PCCA: variants seen among roughly 807,000 people sequenced by gnomAD.
The protein encoded by PCCA is propionyl-CoA carboxylase subunit alpha, also known as propionyl-CoA carboxylase alpha chain, mitochondrial.
Under a neutral mutation model 101.3 loss-of-function variants are expected in PCCA, and 74 were observed. That is an observed-to-expected ratio of 0.73 (90% CI 0.61 to 0.89). The LOEUF is 0.89. PCCA is among the 40% of genes least tolerant of loss of function. The pLI is 0.00. For synonymous variants in PCCA, 294 were observed against 313.6 expected (o/e 0.94, Z 0.66); for missense variants, 891 against 907.0 (o/e 0.98, Z 0.23).
At chr13:100,371,259 A>C (rs1187832847) in intron 19 of PCCA, among the ~76,000 whole-genome samples, 1 of 152,212 alleles carries the variant, frequency 6.6e-6, no homozygotes, top group Non-Finnish European at 1.5e-5. Flanking sequence ...AACAATATAC[A>C]TACTTAATGG....
At chr13:100,160,408 CAGG>C (rs2054330718) in intron 6 of PCCA, among the ~76,000 whole-genome samples, 1 of 151,538 alleles carries the variant, frequency 6.6e-6, no homozygotes, top group South Asian at 2.1e-4. Flanking sequence ...GTGGCTGAGG[CAGG>C]AGAATCGTTT....
intron 6 of PCCA, among the ~76,000 whole-genome samples, chr13:100,197,171 C>T (rs973166279): frequency 6.6e-6 from 1 of 152,108 alleles, no homozygotes; most frequent in Non-Finnish European, 1.5e-5. Context: ...GAATGTTTCT[C>T]CCCTCTCAGC....
At chr13:100,496,894 T>C (rs1231691104) in intron 21 of PCCA, among the ~76,000 whole-genome samples, 4 of 152,136 alleles carry the variant, frequency 2.6e-5, no homozygotes, top group Non-Finnish European at 5.9e-5. Context: ...AACACAGCCA[T>C]GGAGCCACGA....
chr13:100,233,516 A>G (rs1023571452), intron 7 of PCCA, among the ~76,000 whole-genome samples: 1 of 152,174 alleles, frequency 6.6e-6, no homozygotes, highest in Non-Finnish European at 1.5e-5. Flanking sequence ...ACTTAGTGCC[A>G]TTGAATTTGG....
At chr13:100,143,319 T>G (rs557526348) in intron 4 of PCCA, among the ~76,000 whole-genome samples, 1 of 151,712 alleles carries the variant, frequency 6.6e-6, no homozygotes, top group Admixed American at 6.6e-5. Context: ...CATTTGAGGG[T>G]CAGGAGTTTG....
intron 19 of PCCA, among the ~76,000 whole-genome samples, chr13:100,392,450 T>TAAAGAAA (rs2076844821): frequency 6.6e-6 from 1 of 152,236 alleles, no homozygotes; most frequent in Non-Finnish European, 1.5e-5. Flanking sequence ...TGATTTTATT[T>TAAAGAAA]ATAAATTTAG....
chr13:100,471,129 G>A lies in PCCA; in HGVS notation c.1899+21824G>A, dbSNP rs149840497. Among the ~76,000 whole-genome samples the A allele has an allele frequency of 1.4e-4, 22 of 152,288 alleles. No homozygotes were observed. In the East Asian group the frequency reaches 3.9e-3, roughly 27 times the overall value. ...ACTTGAACACTTAGAGGCCACTGTA[G>A]GGTTATTAATTGGCTTAATTTCAAT... On this transcript the variant is annotated intron_variant, in intron 21 of 23. Coordinates refer to ENST00000376285, the MANE Select transcript of PCCA (RefSeq NM_000282.4).
intron 19 of PCCA, among the ~76,000 whole-genome samples, chr13:100,392,217 G>A (rs1271110921): frequency 1.3e-5 from 2 of 152,180 alleles, no homozygotes; most frequent in East Asian, 3.9e-4. Flanking sequence ...AAGGAAGGAA[G>A]GAAGAGAGAG....
rs2048351478 is a variant in PCCA at position 100,111,852 on chromosome 13, A to T, written c.195A>T (p.Lys65Asn). ...GYDPNEKTFD[K>N]ILVANRGEIA... ...TTTTCTCTCTTCAGACTTTTGATAA[A>T]ATTCTTGTTGCTAATAGAGGAGAAA... The change falls in exon 3 of 24, where the codon AAA (lysine) becomes AAT (asparagine). Residue 65 changes from lysine to asparagine, a missense_variant. Transcript: ENST00000376285. 1 of 1,608,402 alleles carries T rather than the reference A, an allele frequency of 6.2e-7. No homozygotes were observed. Among genetic ancestry groups the T allele is most frequent in the African/African-American group, 1.3e-5 (1 of 74,732 alleles).
At chr13:100,263,420 A>ATT (rs2062663496) in intron 10 of PCCA, among the ~76,000 whole-genome samples, 1 of 152,256 alleles carries the variant, frequency 6.6e-6, no homozygotes, top group African/African-American at 2.4e-5. Context: ...CAAATTAGAA[A>ATT]TAATGAATTT....
At chr13:100,449,602 T>C (rs2081078143) in intron 21 of PCCA, among the ~76,000 whole-genome samples, 1 of 152,166 alleles carries the variant, frequency 6.6e-6, no homozygotes, top group Non-Finnish European at 1.5e-5. Flanking sequence ...TTCTCGTGCC[T>C]CAGCCACCCA....
intron 4 of PCCA, among the ~76,000 whole-genome samples, chr13:100,126,626 T>A (rs1413567371): frequency 6.6e-6 from 1 of 152,186 alleles, no homozygotes; most frequent in African/African-American, 2.4e-5. Context: ...TGGGGTTATC[T>A]GTCAGGAAAC....
intron 17 of PCCA, among the ~76,000 whole-genome samples, chr13:100,336,406 T>C (rs1435183752): frequency 6.6e-6 from 1 of 152,166 alleles, no homozygotes. Context: ...AACTGCATCA[T>C]GCCAATGAGG....
intron 6 of PCCA, among the ~76,000 whole-genome samples, chr13:100,168,697 T>G (rs1434447060): frequency 6.6e-6 from 1 of 152,174 alleles, no homozygotes; most frequent in African/African-American, 2.4e-5. Context: ...GCCCGGTTGT[T>G]AGCGTCACCT....
intron 12 of PCCA, among the ~76,000 whole-genome samples, chr13:100,280,048 C>G (rs949323504): frequency 5.5e-5 from 8 of 146,660 alleles, no homozygotes; most frequent in Admixed American, 3.4e-4. Context: ...TGCATCTTCA[C>G]TTTCTACATT....
intron 20 of PCCA, among the ~76,000 whole-genome samples, chr13:100,440,206 A>C (rs2080263096): frequency 8.8e-6 from 1 of 113,130 alleles, no homozygotes; most frequent in Admixed American, 9.2e-5. Context: ...ATATATATAT[A>C]TATAAAACGT....
intron 8 of PCCA, among the ~76,000 whole-genome samples, chr13:100,242,532 A>T (rs1284768038): frequency 6.6e-6 from 1 of 152,216 alleles, no homozygotes; most frequent in Admixed American, 6.5e-5. Context: ...ACAGCACTAT[A>T]TACTAATTAG....
At chr13:100,202,272 T>C (rs2152466448) in intron 6 of PCCA, among the ~76,000 whole-genome samples, 2 of 151,868 alleles carry the variant, frequency 1.3e-5, no homozygotes, top group South Asian at 4.2e-4. Context: ...AGTTTGAGGC[T>C]GCAGTGAACT....
At chr13:100,237,941 T>TTC (rs201509738) in intron 8 of PCCA, among the ~76,000 whole-genome samples, 14 of 139,080 alleles carry the variant, frequency 1.0e-4, no homozygotes, top group African/African-American at 3.0e-4. Context: ...CTTTCTTTCT[T>TTC]TTTTTTTTTT....
Sources: allele counts gnomAD v4.1 joint callset (sites outside exome capture counted in the v4.1 genomes callset), GRCh38; gene constraint gnomAD v4.1.1; transcripts MANE v1.5; gene names NCBI Gene and HGNC (gene_info 2026-07-23, HGNC 2026-07-21).